Variants in SPTB observed in about 807,000 individuals in gnomAD.
SPTB encodes the protein spectrin beta, erythrocytic.
A neutral mutation model predicts 256.2 loss-of-function variants in SPTB; 45 were observed. That is an observed-to-expected ratio of 0.18 (90% CI 0.14 to 0.23). The LOEUF (loss-of-function observed/expected upper bound fraction) is 0.23, where lower values mean the gene tolerates loss of function less well. Ranked by LOEUF, SPTB falls within the 10% of genes least tolerant of loss-of-function variation. The pLI, the probability that SPTB is intolerant of heterozygous loss-of-function variation, is 1.00. For synonymous variants in SPTB, 1,231 were observed against 1,243.1 expected (o/e 0.99, Z 0.21); for missense variants, 2,715 against 3,040.4 (o/e 0.89, Z 2.52).
intron 29 of SPTB, among the ~76,000 whole-genome samples, 193 bp downstream of exon 29, chr14:64,768,841 C>T (rs1219588511): frequency 1.3e-5 from 2 of 152,188 alleles, no homozygotes; most frequent in Admixed American, 1.3e-4. Flanking sequence ...GTGAGGCTTC[C>T]AGCAGCGTGT....
rs1304060241 is a variant in SPTB at position 64,800,003 on chromosome 14, C to T, written c.877-69G>A. On this transcript the variant is annotated intron_variant, in intron 8 of 35. Transcript: ENST00000644917. ...CCACCACTGAGGATATCAATGAGGA[C>T]CACAATCAAGGTGCCACGAAATGGG... is the stretch of plus-strand genomic sequence containing the variant. 5 of 1,581,414 alleles carry T rather than the reference C, an allele frequency of 3.2e-6. No homozygotes were observed. In the African/African-American group the frequency reaches 4.0e-5, roughly 13 times the overall value.
chr14:64,863,592 G>T (rs1156922903), intron 1 of SPTB, among the ~76,000 whole-genome samples: 1 of 152,170 alleles, frequency 6.6e-6, no homozygotes, highest in African/African-American at 2.4e-5. Context: ...GTCCTGAGGA[G>T]CAGCTGCTTC....
rs188568656 is a variant in SPTB, at chr14:64,787,805, G to A, written c.2805-645C>T. ...ATGTGCTAAGGTCTGGCGGATGCCTGGGGGCCTGGGGTCAGTCTGCAGTAC... is the reference window on the plus strand; with the variant it reads ...ATGTGCTAAGGTCTGGCGGATGCCTAGGGGCCTGGGGTCAGTCTGCAGTAC... On this transcript the variant is annotated intron_variant, in intron 15 of 35. Coordinates refer to ENST00000644917, the MANE Select transcript of SPTB (RefSeq NM_001355436.2). Among the ~76,000 whole-genome samples the A allele has an allele frequency of 4.7e-4, 72 of 152,334 alleles. 2 individuals carry two copies. In the Middle Eastern group the frequency reaches 0.017, roughly 36 times the overall value.
Position 64,779,698 on chromosome 14 carries a change from G to A in SPTB, c.4473+27C>T, listed in dbSNP as rs1457860395. On this transcript the variant is annotated intron_variant, in intron 21 of 35. Transcript: ENST00000644917. This position sits in a 1 kb window ranked among gnomAD's most constrained non-coding sequence, Gnocchi z 4.2. ...GGCAGCTGGTGGCTCAGCCTCAGGA[G>A]GTAGGGAGAAGCTGTGGCCCACGCA... 9 of 1,613,628 alleles carry A rather than the reference G, an allele frequency of 5.6e-6. No individual in the cohort carries two copies. In the Admixed American group the frequency reaches 1.5e-4, roughly 27 times the overall value.
Position 64,779,895 on chromosome 14 carries a change from GCTC to G in SPTB, c.4300_4302del (p.Glu1434del). On this transcript the variant is annotated inframe_deletion, in exon 21 of 36. Transcript: ENST00000644917. This position sits in a 1 kb window ranked among gnomAD's most constrained non-coding sequence, Gnocchi z 4.2. ...GGCACCTGGGCAAACAGCTCCCCCA[GCTC>G]CTCTTTTCGCACATTCACTTGGTCC... The G allele has an allele frequency of 1.9e-6, 3 of 1,613,914 alleles. No homozygotes were observed. The highest frequency in any genetic ancestry group is 2.5e-6 in the Non-Finnish European group (3 of 1,179,892).
intron 2 of SPTB, among the ~76,000 whole-genome samples, chr14:64,815,041 G>A (rs1041861306): frequency 4.4e-5 from 5 of 112,966 alleles, no homozygotes; most frequent in African/African-American, 2.0e-4. Flanking sequence ...CATGTAAGCA[G>A]GTTTTGGGAG....
rs980514069 is a variant in SPTB, at chr14:64,746,330, G to A, written c.*2976C>T. ...AAAAACTAGTAAATGGGTTTCCTCTGGTTGGTGGAAGCACGGTTGAGCAGG... is the reference window on the plus strand; with the variant it reads ...AAAAACTAGTAAATGGGTTTCCTCTAGTTGGTGGAAGCACGGTTGAGCAGG... On this transcript the variant is annotated 3_prime_UTR_variant, in exon 36 of 36. Transcript: ENST00000644917. The surrounding 1 kb of genome is among the most constrained non-coding windows in gnomAD (Gnocchi z 4.9). The A allele has an allele frequency of 3.9e-5, 6 of 152,554 alleles. No homozygotes were observed. The highest frequency in any genetic ancestry group is 1.2e-4 in the African/African-American group (5 of 41,450). The allele number at this position is 152,554 out of a possible 1,614,324, so 9.5% of individuals were successfully genotyped here.
At position 64,793,364 on chromosome 14, in the gene SPTB, A is replaced by T. The variant is rs779925712; in HGVS notation, c.2299T>A (p.Ser767Thr). 1 of 1,612,364 alleles carries T rather than the reference A, an allele frequency of 6.2e-7. No homozygotes were observed. Among genetic ancestry groups the T allele is most frequent in the Non-Finnish European group, 8.5e-7 (1 of 1,180,014 alleles). ...TCGTCCTGCCCCACATCTTCACCAG[A>T]GAGCAGCCGGTGGGCGTCTTGCAGC... ...AWLQDAHRLL[S>T]GEDVGQDEGA... Residue 767 changes from serine to threonine, a missense_variant, in exon 14 of 36, where the codon TCT becomes ACT. Coordinates refer to ENST00000644917, the MANE Select transcript of SPTB (RefSeq NM_001355436.2). This position sits in a 1 kb window ranked among gnomAD's most constrained non-coding sequence, Gnocchi z 7.0.
At chr14:64,815,908 T>A (rs898522191) in intron 2 of SPTB, among the ~76,000 whole-genome samples, 2 of 152,148 alleles carry the variant, frequency 1.3e-5, no homozygotes, top group Non-Finnish European at 1.5e-5. Context: ...AGTGACTTGA[T>A]CGAGGTCCCC....
rs1322287235 is a variant in SPTB at position 64,785,147 on chromosome 14, C to A, written c.3855+390G>T. ...AGTACAAAATGGAGTTGTTCAAAAG[C>A]ATGAAGAATTTCAAGATGGCAAGAG... On this transcript the variant is annotated intron_variant, in intron 18 of 35. Coordinates refer to ENST00000644917, the MANE Select transcript of SPTB (RefSeq NM_001355436.2). This position sits in a 1 kb window ranked among gnomAD's most constrained non-coding sequence, Gnocchi z 4.4. 6.6e-6 allele frequency among the ~76,000 whole-genome samples: 1 copy of A among 152,152 alleles called. No individual in the cohort carries two copies. The highest frequency in any genetic ancestry group is 1.9e-4 in the East Asian group (1 of 5,190).
Position 64,853,538 on chromosome 14 carries a change from C to G in SPTB, c.-52+26254G>C, listed in dbSNP as rs1166550958. On this transcript the variant is annotated intron_variant, in intron 1 of 35. Coordinates refer to ENST00000644917, the MANE Select transcript of SPTB (RefSeq NM_001355436.2). The surrounding 1 kb of genome is among the most constrained non-coding windows in gnomAD (Gnocchi z 4.3). ...CAGGGAGAACAGTTTCAGTAGGGCA[C>G]GGGGACAAGAACCCATGGCAGCAGG... 6.6e-6 allele frequency among the ~76,000 whole-genome samples: 1 copy of G among 152,098 alleles called. No homozygotes were observed. The highest frequency in any genetic ancestry group is 1.5e-5 in the Non-Finnish European group (1 of 68,036).
chr14:64,851,485 AG>A (rs2083785251), intron 1 of SPTB, among the ~76,000 whole-genome samples: 2 of 152,110 alleles, frequency 1.3e-5, no homozygotes, highest in Admixed American at 1.3e-4. Context: ...TAGTAGCAGT[AG>A]CAGCAGCAGC....
chr14:64,788,487 A>C (rs1446457376), intron 15 of SPTB, among the ~76,000 whole-genome samples: 1 of 152,200 alleles, frequency 6.6e-6, no homozygotes. Flanking sequence ...CTCCCATCCT[A>C]GACCATGAAG....
rs1190683500 is a variant in SPTB at position 64,785,049 on chromosome 14, T to G, written c.3855+488A>C. Among the ~76,000 whole-genome samples, 1 of 152,196 alleles carries G rather than the reference T, an allele frequency of 6.6e-6. No individual in the cohort carries two copies. Among genetic ancestry groups the G allele is most frequent in the Non-Finnish European group, 1.5e-5 (1 of 68,020 alleles). On this transcript the variant is annotated intron_variant, in intron 18 of 35. Transcript: ENST00000644917. The surrounding 1 kb of genome is among the most constrained non-coding windows in gnomAD (Gnocchi z 4.4). ...CTGTCTCACCCCGTAAAGTTCTGAT[T>G]CATCTGGCCTGAGTGGGACCCAGGG... is the stretch of plus-strand genomic sequence containing the variant.
At chr14:64,815,550 T>TC (rs1323524739) in intron 2 of SPTB, among the ~76,000 whole-genome samples, 1 of 152,134 alleles carries the variant, frequency 6.6e-6, no homozygotes, top group Non-Finnish European at 1.5e-5. Context: ...TGCACCAATA[T>TC]CAGGCATTGT....
At chr14:64,877,917 T>C (rs1882901811) in intron 1 of SPTB, among the ~76,000 whole-genome samples, 1 of 152,208 alleles carries the variant, frequency 6.6e-6, no homozygotes, top group Non-Finnish European at 1.5e-5. Context: ...TCAGAACACT[T>C]GGAAGAAGCA....
intron 29 of SPTB, among the ~76,000 whole-genome samples, chr14:64,768,658 C>A (rs1227277637): frequency 3.1e-4 from 47 of 151,754 alleles, no homozygotes; most frequent in Non-Finnish European, 2.9e-5. Context: ...CTCTCCCAGA[C>A]CCCCAACTCC....
chr14:64,779,062 C>A lies in SPTB; in HGVS notation c.4563+95G>T. On this transcript the variant is annotated intron_variant, in intron 22 of 35. Coordinates refer to ENST00000644917, the MANE Select transcript of SPTB (RefSeq NM_001355436.2). The surrounding 1 kb of genome is among the most constrained non-coding windows in gnomAD (Gnocchi z 4.2). ...CAACAAGAACAATAATCTGCTGTTG[C>A]TAGCCTTCTGCAGGTCAGGGCTGGG... 1.1e-6 allele frequency: 1 copy of A among 914,532 alleles called. No individual in the cohort carries two copies. The highest frequency in any genetic ancestry group is 1.8e-6 in the Non-Finnish European group (1 of 570,524). The allele number at this position is 914,532 out of a possible 1,614,324, so 56.7% of individuals were successfully genotyped here.
chr14:64,822,645 A>G (rs572131111), intron 2 of SPTB, among the ~76,000 whole-genome samples: 4 of 152,152 alleles, frequency 2.6e-5, no homozygotes, highest in Admixed American at 2.6e-4. Context: ...GCCCTCAGAC[A>G]CTGCTTTGCC....
Sources: gnomAD v4.1 joint callset for allele counts (sites outside exome capture counted in the v4.1 genomes callset) on GRCh38, gnomAD v4.1.1 for gene constraint, Gnocchi (gnomAD v3.1) non-coding constraint, MANE v1.5 for transcripts, NCBI Gene and HGNC (gene_info 2026-07-23, HGNC 2026-07-21) for gene names.